The following TRANK1 variants were observed in gnomAD, a reference collection of about 807,000 sequenced individuals.
The protein encoded by TRANK1 is tetratricopeptide repeat and ankyrin repeat containing 1.
TRANK1 carries 198 observed loss-of-function variants against 266.0 expected under a neutral mutation model. The ratio of observed to expected loss-of-function variants is 0.74; its 90% CI spans 0.66 to 0.84. The LOEUF is 0.84. TRANK1 is among the 40% of genes least tolerant of loss of function. The pLI is 0.00. For missense variants in TRANK1, 3,326 were observed against 3,634.6 expected, an observed-to-expected ratio of 0.92 and a Z score of 2.18; for synonymous variants, 1,396 against 1,384.1, an observed-to-expected ratio of 1.01 and a Z score of -0.19.
intron 8 of TRANK1, among the ~76,000 whole-genome samples, chr3:36,889,124 T>G (rs1027678197): frequency 6.6e-5 from 10 of 152,196 alleles, no homozygotes; most frequent in African/African-American, 2.4e-4. Context: ...AGCTCCAGGC[T>G]GCAGCAGCAC....
At chr3:36,835,218 C>G (rs891114347) in intron 20 of TRANK1, among the ~76,000 whole-genome samples, 4 of 142,300 alleles carry the variant, frequency 2.8e-5, no homozygotes, top group African/African-American at 1.0e-4. Context: ...ACTTGGGAGG[C>G]TGAGGCAGGA....
intron 20 of TRANK1, among the ~76,000 whole-genome samples, chr3:36,836,037 C>T (rs1575180571): frequency 6.6e-6 from 1 of 152,130 alleles, no homozygotes; most frequent in African/African-American, 2.4e-5. Flanking sequence ...TACTGACAAT[C>T]AGAAGAATAC....
intron 1 of TRANK1, among the ~76,000 whole-genome samples, chr3:36,921,906 C>T (rs1426840140): frequency 6.6e-6 from 1 of 152,146 alleles, no homozygotes; most frequent in Non-Finnish European, 1.5e-5. Context: ...CTTTAGAAGG[C>T]TGGGCTGGGA....
At chr3:36,861,727 A>G (rs937666279) in intron 10 of TRANK1, among the ~76,000 whole-genome samples, 1 of 119,606 alleles carries the variant, frequency 8.4e-6, no homozygotes, top group Admixed American at 9.6e-5. Context: ...TTTTTTTGAG[A>G]TGGAGTCTCA....
chr3:36,886,641 G>A (rs1030156589), intron 8 of TRANK1, among the ~76,000 whole-genome samples: 7 of 152,016 alleles, frequency 4.6e-5, no homozygotes, highest in East Asian at 1.9e-4. Context: ...GGCCTGGCAC[G>A]GTGGCTCATG....
chr3:36,842,506 G>T, intron 18 of TRANK1, 116 bp downstream of exon 18: 1 of 860,822 alleles, frequency 1.2e-6, no homozygotes, highest in Non-Finnish European at 1.9e-6. Context: ...AGAACACGTG[G>T]CACAAGCACC....
chr3:36,911,734 C>CT (rs2080055504), intron 1 of TRANK1, among the ~76,000 whole-genome samples: 1 of 151,902 alleles, frequency 6.6e-6, no homozygotes, highest in South Asian at 2.1e-4. Context: ...GTTGTTGGGT[C>CT]TTTAAAAAAA....
At position 36,933,328 on chromosome 3, in the gene TRANK1, G is replaced by A. The variant is rs553387024; in HGVS notation, c.23+11459C>T. Among the ~76,000 whole-genome samples, 169 of 152,386 alleles carry A rather than the reference G, an allele frequency of 1.1e-3. 1 individual carries two copies. Among genetic ancestry groups the A allele is most frequent in the Non-Finnish European group, 1.2e-3 (79 of 68,048 alleles). On this transcript the variant is annotated intron_variant, in intron 1 of 23. Coordinates refer to ENST00000645898, the MANE Select transcript of TRANK1 (RefSeq NM_001329998.2). The stretch of plus-strand genomic sequence containing the variant: ...CTTTGTTCAGGTGTGCTGTCATGGC[G>A]ACTGGCCAAGGAGGCACCCCTCTGC...
intron 8 of TRANK1, chr3:36,880,252 T>C: frequency 6.6e-6 from 2 of 305,068 alleles, no homozygotes; most frequent in South Asian, 3.5e-5. Flanking sequence ...TAAGGACCCT[T>C]CACACTTGTC....
At chr3:36,846,012 C>A (rs2078909129) in intron 17 of TRANK1, among the ~76,000 whole-genome samples, 1 of 152,112 alleles carries the variant, frequency 6.6e-6, no homozygotes, top group African/African-American at 2.4e-5. Flanking sequence ...GTCCATAATC[C>A]CCACTTTTAA....
intron 8 of TRANK1, among the ~76,000 whole-genome samples, chr3:36,885,736 C>T (rs1277314151): frequency 1.3e-5 from 2 of 152,070 alleles, no homozygotes; most frequent in South Asian, 2.1e-4. Context: ...GACAGGCTCT[C>T]ACTATGTTGC....
At chr3:36,865,962 GAGAGAC>G (rs919939894) in intron 9 of TRANK1, among the ~76,000 whole-genome samples, 20 of 150,592 alleles carry the variant, frequency 1.3e-4, no homozygotes, top group African/African-American at 4.6e-4. Context: ...GAGAGACAGA[GAGAGAC>G]AGAGACAGAG....
intron 11 of TRANK1, 118 bp downstream of exon 11, chr3:36,860,788 C>G: frequency 7.2e-7 from 1 of 1,387,570 alleles, no homozygotes; most frequent in East Asian, 2.5e-5. Flanking sequence ...ACAGGGTAGG[C>G]AATGAGGGTG....
At chr3:36,867,054 C>A (rs552296276) in intron 9 of TRANK1, among the ~76,000 whole-genome samples, 1 of 152,252 alleles carries the variant, frequency 6.6e-6, no homozygotes, top group South Asian at 2.1e-4. Flanking sequence ...AAGAAAGACC[C>A]ACATCACCCT....
At chr3:36,920,001 G>A (rs542398180) in intron 1 of TRANK1, among the ~76,000 whole-genome samples, 1 of 152,188 alleles carries the variant, frequency 6.6e-6, no homozygotes, top group South Asian at 2.1e-4. Context: ...TTGCAATATT[G>A]CTAATAGCAG....
chr3:36,854,024 C>T (rs913856521), intron 13 of TRANK1, among the ~76,000 whole-genome samples: 2 of 152,116 alleles, frequency 1.3e-5, no homozygotes, highest in Non-Finnish European at 2.9e-5. Flanking sequence ...GCTATGTGAA[C>T]CTCAATGAAT....
chr3:36,876,180 C>T (rs1321306429), intron 8 of TRANK1, among the ~76,000 whole-genome samples: 3 of 152,256 alleles, frequency 2.0e-5, no homozygotes, highest in African/African-American at 7.2e-5. Flanking sequence ...AGCACCTCCT[C>T]TCTCTCAGCC....
Position 36,879,751 on chromosome 3 carries a change from AAT to A in TRANK1, c.908-5457_908-5456del, listed in dbSNP as rs68040459. On this transcript the variant is annotated intron_variant, in intron 8 of 23. Coordinates refer to ENST00000645898, the MANE Select transcript of TRANK1 (RefSeq NM_001329998.2). ...ATATATATAAATATACAAATATATAAATATATATAAATATATATAAATATATA... is the reference window on the plus strand; with the variant it reads ...ATATATATAAATATACAAATATATAAATATATAAATATATATAAATATATA... Among the ~76,000 whole-genome samples, 382 of 91,328 alleles carry A rather than the reference AAT, an allele frequency of 4.2e-3. 104 individuals are homozygous for A. The highest frequency in any genetic ancestry group is 0.016 in the African/African-American group (283 of 17,330). The allele number at this position is 91,328 out of a possible 152,430, so 59.9% of individuals were successfully genotyped here.
chr3:36,829,186 T>C (rs2078664080), intron 23 of TRANK1, among the ~76,000 whole-genome samples: 1 of 152,174 alleles, frequency 6.6e-6, no homozygotes, highest in South Asian at 2.1e-4. Context: ...AGAACCTCAA[T>C]AACTATCCAC....
Sources: gnomAD v4.1 joint callset for allele counts (sites outside exome capture counted in the v4.1 genomes callset) on GRCh38, gnomAD v4.1.1 for gene constraint, MANE v1.5 for transcripts, NCBI Gene and HGNC (gene_info 2026-07-23, HGNC 2026-07-21) for gene names.